CLIC5: variants seen among roughly 807,000 people sequenced by gnomAD.
CLIC5 encodes chloride intracellular channel protein 5.
In CLIC5, 20 loss-of-function variants were observed where a neutral mutation model predicts 24.7. The observed-to-expected ratio is 0.81, with a 90% CI of 0.57 to 1.18. CLIC5 has a LOEUF of 1.18. Ranked by LOEUF, CLIC5 falls within the 50% of genes most tolerant of loss-of-function variation. The pLI, the probability that CLIC5 is intolerant of heterozygous loss-of-function variation, is 0.00. For missense variants in CLIC5, 341 were observed against 326.1 expected, an observed-to-expected ratio of 1.05 and a Z score of -0.35; for synonymous variants, 159 against 135.6, an observed-to-expected ratio of 1.17 and a Z score of -1.20.
chr6:45,909,745 C>G (rs1308937926), intron 5 of CLIC5, among the ~76,000 whole-genome samples: 1 of 152,106 alleles, frequency 6.6e-6, no homozygotes, highest in Non-Finnish European at 1.5e-5. Context: ...AGTTTGGTGA[C>G]TATATACCTT....
At chr6:46,075,819 C>A (rs777923666) in intron 1 of CLIC5, among the ~76,000 whole-genome samples, 3 of 152,140 alleles carry the variant, frequency 2.0e-5, no homozygotes, top group Non-Finnish European at 4.4e-5. Flanking sequence ...GACACATTAG[C>A]GAATATCAGC....
At chr6:46,098,075 T>C in the CLIC5 span, among the ~76,000 whole-genome samples, 1 of 152,204 alleles carries the variant, frequency 6.6e-6, no homozygotes, top group Non-Finnish European at 1.5e-5. Context: ...CAATGGTACA[T>C]TAAAAATTCT....
At chr6:46,086,605 A>G in the CLIC5 span, among the ~76,000 whole-genome samples, 1 of 152,226 alleles carries the variant, frequency 6.6e-6, no homozygotes, top group Non-Finnish European at 1.5e-5. Context: ...TCTGAATTTT[A>G]TGCTCATAGG....
downstream of CLIC5, chr6:45,898,307 C>A (rs559726441): frequency 6.6e-5 from 10 of 151,824 alleles, no homozygotes; most frequent in Non-Finnish European, 1.0e-4. Context: ...TCCAGGCATG[C>A]TTTGATTTTT....
At chr6:45,969,515 G>A (rs1366041954) in intron 1 of CLIC5, among the ~76,000 whole-genome samples, 1 of 132,200 alleles carries the variant, frequency 7.6e-6, no homozygotes, top group Non-Finnish European at 1.5e-5. Flanking sequence ...GACTTCAGAT[G>A]ACTTTTCCAA....
intron 1 of CLIC5, among the ~76,000 whole-genome samples, chr6:45,992,089 G>C (rs1765962311): frequency 6.6e-6 from 1 of 152,158 alleles, no homozygotes; most frequent in Non-Finnish European, 1.5e-5. Flanking sequence ...AGTTCCAGAG[G>C]CTGTGAGGCA....
At chr6:45,911,230 C>G (rs6918415) in intron 5 of CLIC5, among the ~76,000 whole-genome samples, 24,791 of 152,164 alleles carry the variant, frequency 0.16, 3,773 homozygotes, top group African/African-American at 0.4. Flanking sequence ...CAGTTCTTTA[C>G]TACATAGTAC....
chr6:45,952,891 G>A (rs1764518863), intron 2 of CLIC5, among the ~76,000 whole-genome samples: 1 of 152,138 alleles, frequency 6.6e-6, no homozygotes, highest in Non-Finnish European at 1.5e-5. Context: ...TAAGTCTGCT[G>A]CTCTCTTTAG....
At chr6:45,919,240 T>C (rs1357435367) in intron 4 of CLIC5, among the ~76,000 whole-genome samples, 1 of 152,126 alleles carries the variant, frequency 6.6e-6, no homozygotes, top group Non-Finnish European at 1.5e-5. Flanking sequence ...TCAGTGGCAC[T>C]GGGAATTGGG....
chr6:46,028,310 G>A (rs1767399026), intron 1 of CLIC5, among the ~76,000 whole-genome samples: 1 of 152,214 alleles, frequency 6.6e-6, no homozygotes, highest in South Asian at 2.1e-4. Flanking sequence ...GCCTGGCCAT[G>A]TGAATGCTGA....
chr6:46,088,308 C>T, the CLIC5 span, among the ~76,000 whole-genome samples: 1 of 152,058 alleles, frequency 6.6e-6, no homozygotes, highest in East Asian at 1.9e-4. Flanking sequence ...CACTTGACTC[C>T]TATAATTTCA....
exon 1 of CLIC5, chr6:46,079,999 G>T: frequency 6.4e-7 from 1 of 1,551,688 alleles, no homozygotes; most frequent in Non-Finnish European, 8.7e-7. Flanking sequence ...TCAGGCAGGA[G>T]GTAGCCTCTG....
chr6:45,952,918 T>C (rs1433628184), intron 2 of CLIC5, among the ~76,000 whole-genome samples: 1 of 152,234 alleles, frequency 6.6e-6, no homozygotes, highest in Non-Finnish European at 1.5e-5. Context: ...CAGACATTAA[T>C]TGCATAGTGG....
At chr6:45,907,339 T>G (rs1263011180) in intron 5 of CLIC5, among the ~76,000 whole-genome samples, 1 of 152,186 alleles carries the variant, frequency 6.6e-6, no homozygotes, top group Non-Finnish European at 1.5e-5. Flanking sequence ...TATTGATTTG[T>G]GTATGTTGAA....
At chr6:46,087,367 G>T in the CLIC5 span, among the ~76,000 whole-genome samples, 1 of 152,160 alleles carries the variant, frequency 6.6e-6, no homozygotes, top group African/African-American at 2.4e-5. Flanking sequence ...ACTTAATAAA[G>T]AAATTGAGCA....
chr6:45,924,990 G>A (rs1301676220), intron 4 of CLIC5, among the ~76,000 whole-genome samples: 1 of 152,144 alleles, frequency 6.6e-6, no homozygotes, highest in Non-Finnish European at 1.5e-5. Context: ...TGTGAAACAA[G>A]AATGAAAGTC....
chr6:45,941,604 C>T lies in CLIC5; in HGVS notation c.349G>A (p.Asp117Asn). 2.5e-6 allele frequency: 4 copies of T among 1,613,834 alleles called. No individual in the cohort carries two copies. Among genetic ancestry groups the T allele is most frequent in the South Asian group, 2.2e-5 (2 of 91,024 alleles). The change falls in exon 4 of 6, where the codon GAC (aspartate) becomes AAC (asparagine). Residue 117 changes from aspartate (D) to asparagine (N), a missense_variant. Transcript: ENST00000339561. Reference sequence around the variant, plus strand: ...TAGGCAGAAAACTTGGAAAAGATGTCGATGCCCGCTGTGTTGGATTCCCGG... The same window carrying T: ...TAGGCAGAAAACTTGGAAAAGATGTTGATGCCCGCTGTGTTGGATTCCCGG... The part of the protein sequence containing the change: ...KHRESNTAGI[D>N]IFSKFSAYIK...
chr6:45,992,879 A>G (rs1227518973), intron 1 of CLIC5, among the ~76,000 whole-genome samples: 1 of 151,958 alleles, frequency 6.6e-6, no homozygotes, highest in African/African-American at 2.4e-5. Context: ...GGTGATAATT[A>G]CCCCCCTGCC....
the CLIC5 span, among the ~76,000 whole-genome samples, chr6:46,106,591 A>G: frequency 6.6e-6 from 1 of 152,178 alleles, no homozygotes; most frequent in Non-Finnish European, 1.5e-5. Context: ...ACCTATTCAA[A>G]TAGATTGGTC....
Sources: gnomAD v4.1 joint callset for allele counts (sites outside exome capture counted in the v4.1 genomes callset) on GRCh38, gnomAD v4.1.1 for gene constraint, MANE v1.5 for transcripts, NCBI Gene and HGNC (gene_info 2026-07-23, HGNC 2026-07-21) for gene names.